The following WDR91 variants were observed in gnomAD, a reference collection of about 807,000 sequenced individuals.
WDR91 encodes WD repeat-containing protein 91.
A neutral mutation model predicts 88.4 loss-of-function variants in WDR91; 52 were observed. The observed-to-expected ratio is 0.59, with a 90% confidence interval of 0.47 to 0.74. The LOEUF (loss-of-function observed/expected upper bound fraction) is 0.74. Among genes scored for constraint, WDR91 ranks in the 30% least tolerant of loss-of-function variants. The pLI is 0.00. For missense variants in WDR91, 824 were observed against 954.5 expected (o/e 0.86, Z 1.80); for synonymous variants, 362 against 389.5 (o/e 0.93, Z 0.83).
At chr7:135,210,280 G>A (rs1442090247) in intron 1 of WDR91, among the ~76,000 whole-genome samples, 1 of 152,184 alleles carries the variant, frequency 6.6e-6, no homozygotes, top group Non-Finnish European at 1.5e-5. Context: ...AACCCAGAAG[G>A]CAGAGGTTGC....
chr7:135,193,633 CAT>C lies in WDR91; in HGVS notation c.1433_1434del (p.Tyr478Ter). 6.2e-7 allele frequency: 1 copy of C among 1,614,118 alleles called. No homozygotes were observed. The highest frequency in any genetic ancestry group is 8.5e-7 in the Non-Finnish European group (1 of 1,180,016). ...LGSGVGTVRL[Y>X]DTEAKKNLCE... ...CAGAGATTCTTCTTGGCTTCCGTGT[CAT>C]AGAGACGCACTGTTCCCACACCACT... On this transcript the variant is annotated frameshift_variant, in exon 10 of 15. Coordinates refer to ENST00000354475, the MANE Select transcript of WDR91 (RefSeq NM_014149.4). LOFTEE classifies it high-confidence loss of function.
chr7:135,193,239 T>G lies in WDR91; in HGVS notation c.1651A>C (p.Lys551Gln), dbSNP rs767824085. The G allele has an allele frequency of 6.2e-7, 1 of 1,613,856 alleles. No individual in the cohort carries two copies. The highest frequency in any genetic ancestry group is 8.5e-7 in the Non-Finnish European group (1 of 1,179,990). The change falls in exon 11 of 15, where the codon AAG (lysine) becomes CAG (glutamine). Residue 551 changes from lysine to glutamine, a missense_variant. Transcript: ENST00000354475. Reference protein sequence around the residue: ...RLLLWDTKTMKQQLQFSLDPE... With the variant: ...RLLLWDTKTMQQQLQFSLDPE... ...ACAGGGCAGGCCCGTACCTGCTGCT[T>G]CATGGTTTTCGTGTCCCACAGCAGC...
Position 135,187,074 on chromosome 7 carries a change from G to A in WDR91, c.1977C>T (p.Ser659=), listed in dbSNP as rs201303963. 180 of 1,614,234 alleles carry A rather than the reference G, an allele frequency of 1.1e-4. No individual in the cohort carries two copies. The South Asian group carries it at 1.6e-3, about 14-fold the overall frequency. The part of the protein sequence containing the change: ...ATGPFVLSGY[S]GYKQVQVPRG... ...TGGGGACTTGAACCTGCTTGTAGCC[G>A]CTGTATCCAGACAGCACAAAGGGGC... Residue 659 remains serine (S), a synonymous_variant, in exon 14 of 15, where the codon AGC becomes AGT. Transcript: ENST00000354475.
At chr7:135,204,200 G>A (rs779998443) in intron 6 of WDR91, 68 bp downstream of exon 6, 81 of 1,572,304 alleles carry the variant, frequency 5.2e-5, no homozygotes, top group Non-Finnish European at 6.7e-5. Context: ...TTGACCAGGA[G>A]GTCTGGAAGC....
Position 135,185,875 on chromosome 7 carries a change from A to G in WDR91, c.*276T>C, listed in dbSNP as rs2117616006. The stretch of plus-strand genomic sequence containing the variant: ...CTGGGCCAACACAGTAGCCACTGCA[A>G]TGTTTCTCCTTCTTCCGGAGCTTTC... On this transcript the variant is annotated 3_prime_UTR_variant, in exon 15 of 15. Transcript: ENST00000354475. 2.3e-6 allele frequency: 1 copy of G among 426,218 alleles called. No individual in the cohort carries two copies. The allele number at this position is 426,218 out of a possible 1,614,324, so 26.4% of individuals were successfully genotyped here. A position where few individuals can be genotyped will look rare whatever the true frequency, so the allele number is the denominator to read the frequency against.
At position 135,208,892 on chromosome 7, in the gene WDR91, G is replaced by A. The variant is rs780548923; in HGVS notation, c.410C>T (p.Pro137Leu). The A allele has an allele frequency of 1.5e-5, 25 of 1,614,058 alleles. No homozygotes were observed. The highest frequency in any genetic ancestry group is 2.7e-5 in the African/African-American group (2 of 74,926). ...DWFVLPFLPS[P>L]DTNPTFATYF... Reference sequence around the variant, plus strand: ...GGTAGCAAAGGTGGGGTTGGTGTCCGGGGATGGCAGGAAGGGCAGGACAAA... The same window carrying A: ...GGTAGCAAAGGTGGGGTTGGTGTCCAGGGATGGCAGGAAGGGCAGGACAAA... Residue 137 changes from proline to leucine, a missense_variant, in exon 3 of 15, where the codon CCG (proline) becomes CTG (leucine). Pro to Leu is a moderately conservative substitution (Grantham distance 98, BLOSUM62 -3). Coordinates refer to ENST00000354475, the MANE Select transcript of WDR91 (RefSeq NM_014149.4).
chr7:135,196,129 C>T lies in WDR91; in HGVS notation c.1244+15G>A, dbSNP rs1259736316. The T allele has an allele frequency of 6.7e-7, 1 of 1,486,476 alleles. No individual in the cohort carries two copies. The highest frequency in any genetic ancestry group is 9.0e-7 in the Non-Finnish European group (1 of 1,112,564). The allele number at this position is 1,486,476 out of a possible 1,614,324, so 92.1% of individuals were successfully genotyped here. Reference sequence around the variant, plus strand: ...TGAGCTTCCCAGGGTTTCCTTGGCCCCAGGCCCAACCCACCTGCAGTGCAT... The same window carrying T: ...TGAGCTTCCCAGGGTTTCCTTGGCCTCAGGCCCAACCCACCTGCAGTGCAT... On this transcript the variant is annotated intron_variant, in intron 8 of 14. Transcript: ENST00000354475. This position sits in a 1 kb window ranked among gnomAD's most constrained non-coding sequence, Gnocchi z 4.2.
In WDR91 at chr7:135,188,460, G is replaced by A. The variant is rs762916099; in HGVS notation, c.1854C>T (p.Thr618=). 9.9e-6 allele frequency: 16 copies of A among 1,613,890 alleles called. No individual in the cohort carries two copies. Among genetic ancestry groups the A allele is most frequent in the African/African-American group, 2.7e-5 (2 of 74,888 alleles). ...YSVEFSYDEN[T]VYSIGEDGKF... ...TCCCGTCCTCGCCGATGCTGTACAC[G>A]GTGTTCTCATCATAGCTGAACTCCA... The change falls in exon 13 of 15, where the codon ACC becomes ACT. Residue 618 remains threonine (T), a synonymous_variant. Transcript: ENST00000354475.
In WDR91 at chr7:135,193,222, G is replaced by C. The variant is rs764754934; in HGVS notation, c.1659+9C>G. ...TGGCCCCAGAGAGAGCCACAGGGCA[G>C]GCCCGTACCTGCTGCTTCATGGTTT... On this transcript the variant is annotated intron_variant, in intron 11 of 14. Transcript: ENST00000354475. 6.2e-7 allele frequency: 1 copy of C among 1,613,178 alleles called. No individual in the cohort carries two copies. The highest frequency in any genetic ancestry group is 1.1e-5 in the South Asian group (1 of 91,026).
chr7:135,189,390 C>T lies in WDR91; in HGVS notation c.1722G>A (p.Gly574=). The change falls in exon 12 of 15, where the codon GGG becomes GGA. Residue 574 remains glycine, a synonymous_variant. Coordinates refer to ENST00000354475, the MANE Select transcript of WDR91 (RefSeq NM_014149.4). The part of the protein sequence containing the change: ...AINCTAFNHN[G]NLLVTGAADG... ...CAGCTGCCCCTGTGACCAGCAGGTT[C>T]CCGTTGTGATTGAAGGCTGTACAGT... The T allele has an allele frequency of 6.2e-7, 1 of 1,613,986 alleles. No homozygotes were observed. The highest frequency in any genetic ancestry group is 8.5e-7 in the Non-Finnish European group (1 of 1,179,866).
intron 1 of WDR91, chr7:135,210,728 C>T (rs997231589): frequency 5.7e-6 from 4 of 698,432 alleles, no homozygotes; most frequent in African/African-American, 1.8e-5. Context: ...GGCAGGAAAC[C>T]AGATCTCCTA....
At position 135,193,409 on chromosome 7, in the gene WDR91, A is replaced by T. The variant is rs1422287287; in HGVS notation, c.1491-10T>A. ...CGCAAGAGACAGGATTCTGCAACAC[A>T]CATGGGCCTGGGTCAGACCCTCTGC... On this transcript the variant is annotated splice_polypyrimidine_tract_variant and intron_variant, in intron 10 of 14. Transcript: ENST00000354475. The T allele has an allele frequency of 1.9e-6, 3 of 1,613,806 alleles. No homozygotes were observed. The highest frequency in any genetic ancestry group is 2.5e-6 in the Non-Finnish European group (3 of 1,179,822).
chr7:135,199,369 T>A (rs1414520515), intron 6 of WDR91: 1 of 152,220 alleles, frequency 6.6e-6, no homozygotes, highest in African/African-American at 2.4e-5. Context: ...CACAAACACA[T>A]TTAATTCCAA....
chr7:135,206,150 T>C, intron 4 of WDR91, 92 bp from the exon 5 acceptor site: 1 of 1,537,284 alleles, frequency 6.5e-7, no homozygotes, highest in East Asian at 2.3e-5. Flanking sequence ...CCAAGCCCAC[T>C]GGTCTGAGTG....
At chr7:135,202,241 G>C (rs188764011) in intron 6 of WDR91, 21 of 152,342 alleles carry the variant, frequency 1.4e-4, no homozygotes, top group Admixed American at 1.4e-3. Flanking sequence ...AGGTAGGCCA[G>C]ACGACCTTCA....
chr7:135,196,385 C>A lies in WDR91; in HGVS notation c.1051-48G>T. 6.8e-7 allele frequency: 1 copy of A among 1,471,892 alleles called. No homozygotes were observed. The highest frequency in any genetic ancestry group is 9.0e-7 in the Non-Finnish European group (1 of 1,110,338). 91.2% of individuals were successfully genotyped at this position (1,471,892 alleles called of 1,614,324 possible). A position where few individuals can be genotyped will look rare whatever the true frequency, so the allele number is the denominator to read the frequency against. On this transcript the variant is annotated intron_variant, in intron 7 of 14. Transcript: ENST00000354475. The surrounding 1 kb of genome is among the most constrained non-coding windows in gnomAD (Gnocchi z 4.2). The stretch of plus-strand genomic sequence containing the variant: ...AAGTCAGCCAGGAAAGGGTCCCCCA[C>A]ACCAGGGTGTACACCGCAGGGGGTC...
chr7:135,186,067 T>A lies in WDR91; in HGVS notation c.*84A>T. The A allele has an allele frequency of 7.0e-7, 1 of 1,426,898 alleles. No individual in the cohort carries two copies. Among genetic ancestry groups the A allele is most frequent in the African/African-American group, 1.5e-5 (1 of 67,866 alleles). The allele number at this position is 1,426,898 out of a possible 1,614,324, so 88.4% of individuals were successfully genotyped here. A position where few individuals can be genotyped will look rare whatever the true frequency, so the allele number is the denominator to read the frequency against. On this transcript the variant is annotated 3_prime_UTR_variant, in exon 15 of 15. Transcript: ENST00000354475. Reference sequence around the variant, plus strand: ...TCACTGCACTGGCAGGGAGCTGGAGTGGAGCACGTGGTTTTCCTGTCCTAT... The same window carrying A: ...TCACTGCACTGGCAGGGAGCTGGAGAGGAGCACGTGGTTTTCCTGTCCTAT...
Position 135,196,211 on chromosome 7 carries a change from C to G in WDR91, c.1177G>C (p.Glu393Gln), listed in dbSNP as rs200425658. 6.9e-5 allele frequency: 111 copies of G among 1,610,734 alleles called. No individual in the cohort carries two copies. Among genetic ancestry groups the G allele is most frequent in the Admixed American group, 8.4e-5 (5 of 59,694 alleles). ...TGTCCCAGCACAATAAAGGGCTGCT[C>G]GGGGCGGACTCCTCCACCCTCAGGG... ...AGPEGGGVRP[E>Q]QPFIVLGQEE... The change falls in exon 8 of 15, where the codon GAG (glutamate) becomes CAG (glutamine). Residue 393 changes from glutamate (E) to glutamine (Q), a missense_variant. Coordinates refer to ENST00000354475, the MANE Select transcript of WDR91 (RefSeq NM_014149.4). The surrounding 1 kb of genome is among the most constrained non-coding windows in gnomAD (Gnocchi z 4.2).
At chr7:135,209,387 G>T in intron 2 of WDR91, 189 bp downstream of exon 2, 1 of 514,636 alleles carries the variant, frequency 1.9e-6, no homozygotes. Context: ...GGGAAGACAA[G>T]TCAGATGATC....
Sources: gnomAD v4.1 joint callset for allele counts (sites outside exome capture counted in the v4.1 genomes callset) on GRCh38, gnomAD v4.1.1 for gene constraint, Gnocchi (gnomAD v3.1) non-coding constraint, MANE v1.5 for transcripts, NCBI Gene and HGNC (gene_info 2026-07-23, HGNC 2026-07-21) for gene names.